Variants in DCC observed in about 807,000 individuals in gnomAD.
The protein encoded by DCC is DCC netrin 1 receptor.
In DCC, 58 loss-of-function variants were observed where a neutral mutation model predicts 172.5. The observed-to-expected ratio is 0.34, with a 90% CI of 0.27 to 0.42. The LOEUF (loss-of-function observed/expected upper bound fraction) is 0.42, where lower values mean the gene tolerates loss of function less well. Among genes scored for constraint, DCC ranks in the 10% least tolerant of loss-of-function variants. The pLI is 1.00. For synonymous variants in DCC, 709 were observed against 644.5 expected (o/e 1.10, Z -1.52); for missense variants, 1,740 against 1,791.0 (o/e 0.97, Z 0.51).
intron 1 of DCC, among the ~76,000 whole-genome samples, chr18:52,404,629 A>C (rs1358010474): frequency 1.3e-5 from 2 of 151,830 alleles, no homozygotes; most frequent in Non-Finnish European, 2.9e-5. Flanking sequence ...TTGCAGCCCG[A>C]AGTTAAGAAT....
At chr18:52,787,628 T>G (rs1323333367) in intron 2 of DCC, among the ~76,000 whole-genome samples, 1 of 152,112 alleles carries the variant, frequency 6.6e-6, no homozygotes, top group Non-Finnish European at 1.5e-5. Context: ...TAATCCTGTT[T>G]ACCTCTTTTC....
chr18:53,416,474 C>G, intron 21 of DCC: 1 of 476,282 alleles, frequency 2.1e-6, no homozygotes, highest in South Asian at 2.1e-5. Flanking sequence ...TATAATTAAG[C>G]TCAGCATAAT....
intron 7 of DCC, among the ~76,000 whole-genome samples, chr18:53,066,957 C>T (rs909370645): frequency 6.6e-6 from 1 of 151,918 alleles, no homozygotes; most frequent in African/African-American, 2.4e-5. Context: ...GGAAGTGCTA[C>T]ACACTTTTAA....
At chr18:53,255,200 GA>G (rs2056490029) in intron 12 of DCC, among the ~76,000 whole-genome samples, 1 of 151,710 alleles carries the variant, frequency 6.6e-6, no homozygotes, top group Non-Finnish European at 1.5e-5. Context: ...GATATGTGGG[GA>G]GGTTTTTTGT....
rs781294118 is a variant in DCC, at chr18:52,906,142, A to G, written c.511A>G (p.Ile171Val). 4 of 1,613,832 alleles carry G rather than the reference A, an allele frequency of 2.5e-6. No homozygotes were observed. Among genetic ancestry groups the G allele is most frequent in the African/African-American group, 2.7e-5 (2 of 74,890 alleles). Residue 171 changes from isoleucine (I) to valine (V), a missense_variant, in exon 3 of 29, where the codon ATC becomes GTC. By Grantham distance (29) the Ile-to-Val change is conservative. Coordinates refer to ENST00000442544, the MANE Select transcript of DCC (RefSeq NM_005215.4). Reference protein sequence around the residue: ...CEVIGEPMPTIHWQKNQQDLT... With the variant: ...CEVIGEPMPTVHWQKNQQDLT... ...AGTCATTGGGGAGCCCATGCCAACA[A>G]TCCACTGGCAGAAGAACCAACAAGA...
At chr18:53,260,544 G>T (rs535296270) in intron 12 of DCC, among the ~76,000 whole-genome samples, 5 of 152,242 alleles carry the variant, frequency 3.3e-5, no homozygotes, top group African/African-American at 9.6e-5. Context: ...AAATGTTGCT[G>T]CCTGATCGTT....
chr18:53,370,908 A>G (rs1311485870), intron 15 of DCC, among the ~76,000 whole-genome samples: 2 of 151,792 alleles, frequency 1.3e-5, no homozygotes, highest in African/African-American at 2.4e-5. Context: ...ATTCATGCTT[A>G]ACCAACAAAA....
Position 52,418,968 on chromosome 18 carries a change from C to A in DCC, c.91+78090C>A, listed in dbSNP as rs188964851. ...CTCTGCCTCCTAGGTTCAAGTGATT[C>A]TCCTGCCTCAGCCTCCCCAGTAGCT... is the stretch of plus-strand genomic sequence containing the variant. On this transcript the variant is annotated intron_variant, in intron 1 of 28. Coordinates refer to ENST00000442544, the MANE Select transcript of DCC (RefSeq NM_005215.4). Among the ~76,000 whole-genome samples, 8 of 147,602 alleles carry A rather than the reference C, an allele frequency of 5.4e-5. No homozygotes were observed. In the East Asian group the frequency reaches 1.4e-3, roughly 26 times the overall value.
At chr18:53,110,840 G>A (rs1438535832) in intron 7 of DCC, among the ~76,000 whole-genome samples, 2 of 124,676 alleles carry the variant, frequency 1.6e-5, no homozygotes, top group African/African-American at 3.2e-5. Context: ...AGTCAGTGTG[G>A]CGATTCCTCA....
intron 2 of DCC, among the ~76,000 whole-genome samples, chr18:52,852,493 G>T (rs1286109031): frequency 6.6e-6 from 1 of 152,008 alleles, no homozygotes; most frequent in East Asian, 1.9e-4. Context: ...TATACTTTAG[G>T]ATAATTTTCT....
chr18:53,167,560 A>G (rs1014363164), intron 8 of DCC, among the ~76,000 whole-genome samples: 3 of 152,154 alleles, frequency 2.0e-5, no homozygotes, highest in African/African-American at 7.2e-5. Flanking sequence ...TTATGTGGAG[A>G]TTTTATGTAA....
chr18:52,447,349 G>T (rs1324893540), intron 1 of DCC, among the ~76,000 whole-genome samples: 2 of 152,186 alleles, frequency 1.3e-5, no homozygotes, highest in Admixed American at 1.3e-4. Context: ...TAGTTGGGAA[G>T]ACTGGGTATA....
chr18:52,578,384 T>C (rs2033465914), intron 1 of DCC, among the ~76,000 whole-genome samples: 1 of 152,224 alleles, frequency 6.6e-6, no homozygotes, highest in African/African-American at 2.4e-5. Context: ...GAGTCAAACG[T>C]ACGCTGCATG....
chr18:52,352,300 A>G (rs1984159200), intron 1 of DCC, among the ~76,000 whole-genome samples: 1 of 152,098 alleles, frequency 6.6e-6, no homozygotes, highest in South Asian at 2.1e-4. Context: ...CCCTTCTAGA[A>G]CCTGCCTCAA....
At chr18:52,930,044 G>A (rs1008944879) in intron 5 of DCC, among the ~76,000 whole-genome samples, 1 of 151,984 alleles carries the variant, frequency 6.6e-6, no homozygotes, top group African/African-American at 2.4e-5. Context: ...AGTTCGTGGT[G>A]TCAGATGATC....
At chr18:52,376,826 T>C (rs1450329952) in intron 1 of DCC, among the ~76,000 whole-genome samples, 1 of 152,132 alleles carries the variant, frequency 6.6e-6, no homozygotes, top group East Asian at 1.9e-4. Flanking sequence ...CATGAAGTAG[T>C]AGCAAAACAA....
intron 11 of DCC, among the ~76,000 whole-genome samples, chr18:53,210,487 A>G (rs1385606785): frequency 2.6e-5 from 4 of 152,168 alleles, no homozygotes. Flanking sequence ...ATACCCCTAA[A>G]TATGAAGGAT....
At chr18:53,132,275 A>G (rs1174459045) in intron 7 of DCC, among the ~76,000 whole-genome samples, 1 of 152,092 alleles carries the variant, frequency 6.6e-6, no homozygotes, top group Non-Finnish European at 1.5e-5. Flanking sequence ...TGTGATACAA[A>G]TAGTCTCACC....
At chr18:53,450,350 A>AT in intron 22 of DCC, 150 bp from the exon 23 acceptor site, 4 of 794,694 alleles carry the variant, frequency 5.0e-6, no homozygotes, top group Non-Finnish European at 2.1e-6. Flanking sequence ...GTTTCCTCTC[A>AT]TTTTTTCATT....
Sources: allele counts gnomAD v4.1 joint callset (sites outside exome capture counted in the v4.1 genomes callset), GRCh38; gene constraint gnomAD v4.1.1; transcripts MANE v1.5; gene names NCBI Gene and HGNC (gene_info 2026-07-23, HGNC 2026-07-21).